RPL15: variants seen among roughly 807,000 people sequenced by gnomAD.
The protein encoded by RPL15 is large ribosomal subunit protein eL15.
For missense variants in RPL15, 161 were observed against 271.8 expected, an observed-to-expected ratio of 0.59 and a Z score of 2.87; for synonymous variants, 97 against 95.1, an observed-to-expected ratio of 1.02 and a Z score of -0.12.
Position 23,919,535 on chromosome 3 carries a change from A to T in RPL15, c.*34A>T, listed in dbSNP as rs748891724. 3 of 1,505,378 alleles carry T rather than the reference A, an allele frequency of 2.0e-6. No homozygotes were observed. Among genetic ancestry groups the T allele is most frequent in the Non-Finnish European group, 8.8e-7 (1 of 1,130,808 alleles). The allele number at this position is 1,505,378 out of a possible 1,614,324, so 93.3% of individuals were successfully genotyped here. On this transcript the variant is annotated 3_prime_UTR_variant, in exon 4 of 4. Transcript: ENST00000307839. ...AAGTTTGTAAAATTCATACTTAATA[A>T]ACAATTTAGGACAGTCATGTCTGCT...
In RPL15 at chr3:23,917,880, C is replaced by T. The variant is rs537969564; in HGVS notation, c.21C>T (p.Ile7=). 6.2e-7 allele frequency: 1 copy of T among 1,610,382 alleles called. No homozygotes were observed. Among genetic ancestry groups the T allele is most frequent in the East Asian group, 2.2e-5 (1 of 44,876 alleles). The change falls in exon 2 of 4, where the codon ATC becomes ATT. Residue 7 remains isoleucine (I), a synonymous_variant. Coordinates refer to ENST00000307839, the MANE Select transcript of RPL15 (RefSeq NM_002948.5). ...CCAAGATGGGTGCATACAAGTACAT[C>T]CAGGAGCTATGGAGAAAGAAGCAGT... MGAYKY[I]QELWRKKQSD...
At chr3:23,921,679 A>G (rs1387134095), downstream of RPL15, 46 of 673,038 alleles carry the variant, frequency 6.8e-5, no homozygotes, top group Non-Finnish European at 1.0e-4. Context: ...GGTTTGAGCA[A>G]TTCTTCTGCC....
At chr3:23,918,269 T>G in intron 2 of RPL15, 171 bp from the exon 3 acceptor site, 1 of 913,576 alleles carries the variant, frequency 1.1e-6, no homozygotes, top group Non-Finnish European at 1.6e-6. Context: ...CCTCCCTGTG[T>G]GAGTAGCCTA....
rs979313287 is a variant in RPL15, at chr3:23,920,753, T to C, written c.*1252T>C. On this transcript the variant is annotated 3_prime_UTR_variant, in exon 4 of 4. Coordinates refer to ENST00000307839, the MANE Select transcript of RPL15 (RefSeq NM_002948.5). The stretch of plus-strand genomic sequence containing the variant: ...TCATAAAAGTTCTTGAGACCTAAAT[T>C]TCTTCACAAAAAAAGAAAAGATCTT... 2 of 975,432 alleles carry C rather than the reference T, an allele frequency of 2.1e-6. No homozygotes were observed. The highest frequency in any genetic ancestry group is 3.5e-5 in the African/African-American group (2 of 57,036). The allele number at this position is 975,432 out of a possible 1,614,324, so 60.4% of individuals were successfully genotyped here. A position where few individuals can be genotyped will look rare whatever the true frequency, so the allele number is the denominator to read the frequency against.
chr3:23,918,253 AGT>A (rs1704792567), intron 2 of RPL15, 185 bp from the exon 3 acceptor site: 3 of 897,258 alleles, frequency 3.3e-6, no homozygotes, highest in East Asian at 2.7e-5. Context: ...CAAAATAAAC[AGT>A]GTGCCTCCCT....
chr3:23,923,172 T>C (rs1272811549), downstream of RPL15: 2 of 152,084 alleles, frequency 1.3e-5, no homozygotes, highest in African/African-American at 2.4e-5. Flanking sequence ...TTTTTTTGTT[T>C]AGTTATGTAT....
rs546142101 is a variant in RPL15 at position 23,919,750 on chromosome 3, G to A, written c.*249G>A. On this transcript the variant is annotated 3_prime_UTR_variant, in exon 4 of 4. Coordinates refer to ENST00000307839, the MANE Select transcript of RPL15 (RefSeq NM_002948.5). ...TGTATGTCAGTGTATAAAACATACT[G>A]TGTGGTATAACAGGCTTAATAAATT... The A allele has an allele frequency of 1.3e-5, 16 of 1,262,576 alleles. No homozygotes were observed. The South Asian group carries it at 2.8e-4, about 22-fold the overall frequency. The allele number at this position is 1,262,576 out of a possible 1,614,324, so 78.2% of individuals were successfully genotyped here.
chr3:23,923,503 GC>G (rs2125261973), downstream of RPL15: 1 of 152,312 alleles, frequency 6.6e-6, no homozygotes, highest in East Asian at 1.9e-4. Context: ...ACAGGCATGA[GC>G]AACCGTGCCC....
chr3:23,921,361 C>G (rs1385298178), downstream of RPL15, among the ~76,000 whole-genome samples: 1 of 152,168 alleles, frequency 6.6e-6, no homozygotes, highest in Non-Finnish European at 1.5e-5. Context: ...TGTGTGACCT[C>G]ATGTCCTACT....
At chr3:23,921,746 T>C (rs1490073396), downstream of RPL15, 2 of 612,268 alleles carry the variant, frequency 3.3e-6, no homozygotes, top group African/African-American at 3.8e-5. Flanking sequence ...AGCTAAGTTT[T>C]GTATTTTTAG....
At chr3:23,918,875 G>A (rs916338034) in intron 3 of RPL15, 4 of 503,692 alleles carry the variant, frequency 7.9e-6, no homozygotes, top group African/African-American at 1.9e-5. Context: ...AAAGCTAAAC[G>A]TTGCTGAGCT....
Position 23,919,726 on chromosome 3 carries a change from G to T in RPL15, c.*225G>T. The T allele has an allele frequency of 7.4e-7, 1 of 1,346,634 alleles. No homozygotes were observed. Among genetic ancestry groups the T allele is most frequent in the Non-Finnish European group, 9.5e-7 (1 of 1,052,258 alleles). The allele number at this position is 1,346,634 out of a possible 1,614,324, so 83.4% of individuals were successfully genotyped here. A position where few individuals can be genotyped will look rare whatever the true frequency, so the allele number is the denominator to read the frequency against. On this transcript the variant is annotated 3_prime_UTR_variant, in exon 4 of 4. Coordinates refer to ENST00000307839, the MANE Select transcript of RPL15 (RefSeq NM_002948.5). ...CTTTGCTTTATCTTATTAGGGAGTT[G>T]TATGTCAGTGTATAAAACATACTGT...
Position 23,919,528 on chromosome 3 carries a change from C to T in RPL15, c.*27C>T. 2.6e-6 allele frequency: 4 copies of T among 1,520,848 alleles called. No homozygotes were observed. The highest frequency in any genetic ancestry group is 3.5e-6 in the Non-Finnish European group (4 of 1,138,260). The allele number at this position is 1,520,848 out of a possible 1,614,324, so 94.2% of individuals were successfully genotyped here. On this transcript the variant is annotated 3_prime_UTR_variant, in exon 4 of 4. Coordinates refer to ENST00000307839, the MANE Select transcript of RPL15 (RefSeq NM_002948.5). ...ATAAGTAAAGTTTGTAAAATTCATACTTAATAAACAATTTAGGACAGTCAT... is the reference window on the plus strand; with the variant it reads ...ATAAGTAAAGTTTGTAAAATTCATATTTAATAAACAATTTAGGACAGTCAT...
At position 23,920,364 on chromosome 3, in the gene RPL15, A is replaced by G. The variant is rs1378379937; in HGVS notation, c.*863A>G. 1.0e-6 allele frequency: 1 copy of G among 985,406 alleles called. No individual in the cohort carries two copies. The highest frequency in any genetic ancestry group is 1.2e-6 in the Non-Finnish European group (1 of 829,906). 61.0% of individuals were successfully genotyped at this position (985,406 alleles called of 1,614,324 possible). The stretch of plus-strand genomic sequence containing the variant: ...CTGTCCACTCCCATAGGCTACAGAA[A>G]AAGTCACAAGCGCATGGTTTCCAAC... On this transcript the variant is annotated 3_prime_UTR_variant, in exon 4 of 4. Coordinates refer to ENST00000307839, the MANE Select transcript of RPL15 (RefSeq NM_002948.5).
In RPL15 at chr3:23,919,189, A is replaced by C. The variant is rs368646822; in HGVS notation, c.310-7A>C. 1.2e-6 allele frequency: 2 copies of C among 1,610,094 alleles called. No individual in the cohort carries two copies. Among genetic ancestry groups the C allele is most frequent in the East Asian group, 2.2e-5 (1 of 44,880 alleles). On this transcript the variant is annotated splice_polypyrimidine_tract_variant and splice_region_variant and intron_variant, in intron 3 of 3. Coordinates refer to ENST00000307839, the MANE Select transcript of RPL15 (RefSeq NM_002948.5). ...AGATTGACCTTGGGCCTTTTTTCCT[A>C]TTCTAGGAGCGAGCTGGACGCCACT...
At chr3:23,917,215 A>C (rs531388287) in intron 1 of RPL15, 42 bp downstream of exon 1, 2 of 152,752 alleles carry the variant, frequency 1.3e-5, no homozygotes, top group Admixed American at 1.3e-4. Flanking sequence ...TCCGCCTTTG[A>C]TCGTCTTCCT....
In RPL15 at chr3:23,919,848, G is replaced by T; in HGVS notation, c.*347G>T. ...ATGTGATGAAACCTGCAGCTTTATC[G>T]GAGTGATGGCAATGCTCTGCTGGTT... On this transcript the variant is annotated 3_prime_UTR_variant, in exon 4 of 4. Coordinates refer to ENST00000307839, the MANE Select transcript of RPL15 (RefSeq NM_002948.5). The T allele has an allele frequency of 9.8e-7, 1 of 1,020,162 alleles. No homozygotes were observed. The highest frequency in any genetic ancestry group is 1.2e-6 in the Non-Finnish European group (1 of 852,828). The allele number at this position is 1,020,162 out of a possible 1,614,324, so 63.2% of individuals were successfully genotyped here.
Position 23,920,887 on chromosome 3 carries a change from G to A in RPL15, c.*1386G>A, listed in dbSNP as rs976659548. The A allele has an allele frequency of 5.2e-6, 3 of 579,336 alleles. No individual in the cohort carries two copies. Among genetic ancestry groups the A allele is most frequent in the Non-Finnish European group, 6.5e-6 (3 of 459,096 alleles). 35.9% of individuals were successfully genotyped at this position (579,336 alleles called of 1,614,324 possible). On this transcript the variant is annotated 3_prime_UTR_variant, in exon 4 of 4. Coordinates refer to ENST00000307839, the MANE Select transcript of RPL15 (RefSeq NM_002948.5). Reference sequence around the variant, plus strand: ...TTTTTTGTCATCTTACAGTGCTAATGTACTTTAAAGCAAACCAAATGCCCT... The same window carrying A: ...TTTTTTGTCATCTTACAGTGCTAATATACTTTAAAGCAAACCAAATGCCCT...
At position 23,920,461 on chromosome 3, in the gene RPL15, G is replaced by A. The variant is rs1188486686; in HGVS notation, c.*960G>A. 1 of 985,258 alleles carries A rather than the reference G, an allele frequency of 1.0e-6. No individual in the cohort carries two copies. Among genetic ancestry groups the A allele is most frequent in the East Asian group, 1.1e-4 (1 of 8,828 alleles). 61.0% of individuals were successfully genotyped at this position (985,258 alleles called of 1,614,324 possible). A position where few individuals can be genotyped will look rare whatever the true frequency, so the allele number is the denominator to read the frequency against. On this transcript the variant is annotated 3_prime_UTR_variant, in exon 4 of 4. Transcript: ENST00000307839. The stretch of plus-strand genomic sequence containing the variant: ...CTAAAAATCCTTACCATTCCACAAA[G>A]TTGGACCATCACTTGTGCACCCACT...
Sources: allele counts gnomAD v4.1 joint callset (sites outside exome capture counted in the v4.1 genomes callset), GRCh38; gene constraint gnomAD v4.1.1; transcripts MANE v1.5; gene names NCBI Gene and HGNC (gene_info 2026-07-23, HGNC 2026-07-21).